ZFAT: variants seen among roughly 807,000 people sequenced by gnomAD.
ZFAT encodes the protein zinc finger protein ZFAT.
Under a neutral mutation model 117.7 loss-of-function variants are expected in ZFAT, and 64 were observed. That is an observed-to-expected ratio of 0.54 (90% CI 0.44 to 0.67). The LOEUF (loss-of-function observed/expected upper bound fraction) is 0.67. ZFAT is among the 30% of genes least tolerant of loss of function. The probability of loss-of-function intolerance (pLI) is 0.00; values close to 1 mark genes in which losing one functional copy is unlikely to be tolerated. For synonymous variants in ZFAT, 679 were observed against 615.0 expected, an observed-to-expected ratio of 1.10 and a Z score of -1.54; for missense variants, 1,433 against 1,584.5, an observed-to-expected ratio of 0.90 and a Z score of 1.62.
intron 1 of ZFAT, among the ~76,000 whole-genome samples, chr8:134,661,456 C>A (rs371284348): frequency 6.6e-6 from 1 of 152,228 alleles, no homozygotes; most frequent in Non-Finnish European, 1.5e-5. Context: ...AGCTCCCCTG[C>A]GTGTCCACAC....
chr8:134,482,346 T>C (rs1000984611), intron 15 of ZFAT, among the ~76,000 whole-genome samples: 1 of 152,210 alleles, frequency 6.6e-6, no homozygotes, highest in Non-Finnish European at 1.5e-5. Flanking sequence ...AAGCAGCAGA[T>C]GAGGCCTGAA....
intron 11 of ZFAT, among the ~76,000 whole-genome samples, chr8:134,544,972 G>A (rs1024201711): frequency 6.6e-6 from 1 of 152,116 alleles, no homozygotes; most frequent in Admixed American, 6.5e-5. Context: ...AGAAACTGGT[G>A]CACAAGCATA....
Position 134,557,415 on chromosome 8 carries a change from A to G in ZFAT, c.2976+7918T>C, listed in dbSNP as rs139819539. On this transcript the variant is annotated intron_variant, in intron 11 of 15. Coordinates refer to ENST00000377838, the MANE Select transcript of ZFAT (RefSeq NM_020863.4). The stretch of plus-strand genomic sequence containing the variant: ...TGGGATCCTGAAATAGGCAAATGCC[A>G]TTAGGTACAAACTAAGAAAATCTGA... Among the ~76,000 whole-genome samples the G allele has an allele frequency of 2.6e-3, 397 of 152,384 alleles. 1 individual carries two copies. The highest frequency in any genetic ancestry group is 4.1e-3 in the Admixed American group (62 of 15,308).
chr8:134,703,169 T>C lies in ZFAT; in HGVS notation c.19+9676A>G, dbSNP rs866156602. Among the ~76,000 whole-genome samples, 9 of 152,332 alleles carry C rather than the reference T, an allele frequency of 5.9e-5. 1 individual carries two copies. The Middle Eastern group carries it at 0.01, about 173-fold the overall frequency. On this transcript the variant is annotated intron_variant, in intron 1 of 15. Transcript: ENST00000377838. The stretch of plus-strand genomic sequence containing the variant: ...TTCACATCCTTATCAGCACTTGGGA[T>C]TGTCTTTTTAATTTTTACCATTCTA...
chr8:134,514,246 G>C (rs1232753398), intron 13 of ZFAT, among the ~76,000 whole-genome samples: 1 of 152,176 alleles, frequency 6.6e-6, no homozygotes, highest in Non-Finnish European at 1.5e-5. Context: ...TTGGGTTCAC[G>C]GCTCTGCATA....
chr8:134,773,093 CAAAAAAAA>C, the ZFAT span, among the ~76,000 whole-genome samples: 1 of 104,092 alleles, frequency 9.6e-6, no homozygotes, highest in Non-Finnish European at 2.0e-5. Context: ...AATCCCAATT[CAAAAAAAA>C]AAAAAAAAAA....
chr8:134,538,425 G>A (rs1023471189), intron 11 of ZFAT, among the ~76,000 whole-genome samples: 17 of 152,166 alleles, frequency 1.1e-4, no homozygotes, highest in African/African-American at 3.4e-4. Flanking sequence ...GCAAGTTGAG[G>A]AGAAAAGACG....
intron 1 of ZFAT, chr8:134,696,705 T>C (rs1460491561): frequency 5.2e-6 from 4 of 766,068 alleles, no homozygotes; most frequent in Non-Finnish European, 6.4e-6. Context: ...CATGACACCA[T>C]CCACAGACCA....
intron 11 of ZFAT, among the ~76,000 whole-genome samples, chr8:134,546,371 C>A (rs1013247168): frequency 6.6e-6 from 1 of 152,060 alleles, no homozygotes; most frequent in Non-Finnish European, 1.5e-5. Context: ...TGAGGAAATG[C>A]GACAGGAAGA....
chr8:134,728,271 G>A, the ZFAT span, among the ~76,000 whole-genome samples: 1 of 151,926 alleles, frequency 6.6e-6, no homozygotes, highest in Non-Finnish European at 1.5e-5. Flanking sequence ...GAAAGACCCC[G>A]CTGGCAATCT....
the ZFAT span, among the ~76,000 whole-genome samples, chr8:134,821,328 T>A: frequency 1.3e-5 from 2 of 152,162 alleles, no homozygotes; most frequent in African/African-American, 4.8e-5. Context: ...AAGGGTAATG[T>A]GGCTGCCAAA....
the ZFAT span, among the ~76,000 whole-genome samples, chr8:134,759,838 G>A: frequency 6.6e-6 from 1 of 151,896 alleles, no homozygotes; most frequent in African/African-American, 2.4e-5. Flanking sequence ...GGATGTGATG[G>A]CAGGCACCTG....
At chr8:134,672,216 G>T (rs967575077) in intron 1 of ZFAT, among the ~76,000 whole-genome samples, 1 of 152,300 alleles carries the variant, frequency 6.6e-6, no homozygotes, top group South Asian at 2.1e-4. Context: ...TCCCCATCAA[G>T]CTACCAATGA....
chr8:134,492,929 C>T (rs1051353384), intron 15 of ZFAT, among the ~76,000 whole-genome samples: 11 of 152,134 alleles, frequency 7.2e-5, no homozygotes, highest in African/African-American at 1.2e-4. Flanking sequence ...CATACATCAA[C>T]GGAGATTTAA....
At chr8:134,483,676 T>C (rs930682035) in intron 15 of ZFAT, among the ~76,000 whole-genome samples, 10 of 152,170 alleles carry the variant, frequency 6.6e-5, no homozygotes, top group Non-Finnish European at 1.3e-4. Flanking sequence ...GCAGCATAGA[T>C]AGCTCGATAG....
chr8:134,479,053 G>A, intron 15 of ZFAT, among the ~76,000 whole-genome samples: 1 of 152,208 alleles, frequency 6.6e-6, no homozygotes, highest in Non-Finnish European at 1.5e-5. Flanking sequence ...ATGAGGGCTG[G>A]AAGGCATGGT....
At chr8:134,694,780 G>C (rs1390694167) in intron 1 of ZFAT, among the ~76,000 whole-genome samples, 2 of 152,094 alleles carry the variant, frequency 1.3e-5, no homozygotes, top group Non-Finnish European at 2.9e-5. Flanking sequence ...TTGGCTCAAA[G>C]AATAAAAGGT....
At chr8:134,794,310 C>T in the ZFAT span, 1 of 152,202 alleles carries the variant, frequency 6.6e-6, no homozygotes, top group Non-Finnish European at 1.5e-5. Flanking sequence ...AACAAGTTTG[C>T]CACCTTTTAT....
intron 2 of ZFAT, among the ~76,000 whole-genome samples, chr8:134,655,375 CGGTGGCTCACA>C (rs1831534646): frequency 6.6e-6 from 1 of 152,146 alleles, no homozygotes; most frequent in Non-Finnish European, 1.5e-5. Flanking sequence ...AGGCGGGGTA[CGGTGGCTCACA>C]CCTGTAATCC....
Sources: gnomAD v4.1 joint callset for allele counts (sites outside exome capture counted in the v4.1 genomes callset) on GRCh38, gnomAD v4.1.1 for gene constraint, MANE v1.5 for transcripts, NCBI Gene and HGNC (gene_info 2026-07-23, HGNC 2026-07-21) for gene names.